The following DENND1A variants were observed in gnomAD, a reference collection of about 807,000 sequenced individuals.
The protein encoded by DENND1A is DENN domain-containing protein 1A.
A neutral mutation model predicts 113.7 loss-of-function variants in DENND1A; 51 were observed. That is an observed-to-expected ratio of 0.45 (90% confidence interval 0.36 to 0.57). The LOEUF (loss-of-function observed/expected upper bound fraction) is 0.57. DENND1A is among the 20% of genes least tolerant of loss of function. DENND1A has a pLI of 0.00. For missense variants in DENND1A, 1,258 were observed against 1,395.9 expected (o/e 0.90, Z 1.57); for synonymous variants, 565 against 570.8 (o/e 0.99, Z 0.14).
At chr9:123,576,353 C>CAT (rs1184437134) in intron 12 of DENND1A, among the ~76,000 whole-genome samples, 1 of 152,066 alleles carries the variant, frequency 6.6e-6, no homozygotes, top group Non-Finnish European at 1.5e-5. Flanking sequence ...TACATGTATC[C>CAT]ATATATTTAC....
At chr9:123,509,417 G>A (rs1221666595) in intron 13 of DENND1A, among the ~76,000 whole-genome samples, 2 of 152,192 alleles carry the variant, frequency 1.3e-5, no homozygotes, top group African/African-American at 4.8e-5. Context: ...TGTAAAGAGC[G>A]AGGAGAAATA....
intron 18 of DENND1A, among the ~76,000 whole-genome samples, chr9:123,443,641 G>A (rs894815096): frequency 2.6e-5 from 4 of 152,338 alleles, no homozygotes; most frequent in East Asian, 3.9e-4. Flanking sequence ...GGCAGCACAA[G>A]AGGAGGAGCC....
chr9:123,875,720 A>G (rs1847355855), intron 2 of DENND1A, among the ~76,000 whole-genome samples: 1 of 152,194 alleles, frequency 6.6e-6, no homozygotes, highest in Non-Finnish European at 1.5e-5. Flanking sequence ...AGGCTCCAGA[A>G]ACAAGCTCAA....
intron 1 of DENND1A, among the ~76,000 whole-genome samples, chr9:123,896,745 C>CT (rs1419704460): frequency 3.7e-4 from 57 of 152,166 alleles, no homozygotes; most frequent in African/African-American, 1.2e-3. Flanking sequence ...GAACGGATGA[C>CT]TTAAGAGCAG....
chr9:123,450,256 T>C (rs1020498576), intron 18 of DENND1A, among the ~76,000 whole-genome samples: 1 of 152,134 alleles, frequency 6.6e-6, no homozygotes, highest in Non-Finnish European at 1.5e-5. Flanking sequence ...CCCTATGCTG[T>C]GTCTGGGCGG....
chr9:123,907,481 A>C (rs1299794578), intron 1 of DENND1A, among the ~76,000 whole-genome samples: 1 of 148,170 alleles, frequency 6.7e-6, no homozygotes, highest in East Asian at 2.0e-4. Flanking sequence ...TTAAGCTGAT[A>C]AGCAACTTCA....
chr9:123,873,299 A>G (rs1336554883), intron 2 of DENND1A, among the ~76,000 whole-genome samples: 1 of 152,194 alleles, frequency 6.6e-6, no homozygotes, highest in Non-Finnish European at 1.5e-5. Context: ...AATCTTTGGA[A>G]AGTGTTCCAA....
At chr9:123,526,796 C>T (rs1347601031) in intron 13 of DENND1A, among the ~76,000 whole-genome samples, 4 of 152,208 alleles carry the variant, frequency 2.6e-5, no homozygotes, top group Non-Finnish European at 5.9e-5. Flanking sequence ...CTTAAATATA[C>T]ATTAGCTGTT....
chr9:123,622,456 T>G (rs559192731), intron 10 of DENND1A, among the ~76,000 whole-genome samples: 6 of 152,228 alleles, frequency 3.9e-5, no homozygotes, highest in Middle Eastern at 3.2e-3. Flanking sequence ...ACATAATAAG[T>G]GCTCTATAAA....
chr9:123,633,391 C>G (rs1057405384), intron 9 of DENND1A, among the ~76,000 whole-genome samples: 9 of 152,206 alleles, frequency 5.9e-5, no homozygotes, highest in Non-Finnish European at 7.3e-5. Flanking sequence ...TTAGAATATA[C>G]TCACAGTACA....
intron 19 of DENND1A, among the ~76,000 whole-genome samples, chr9:123,429,775 C>T (rs893899397): frequency 6.6e-6 from 1 of 152,128 alleles, no homozygotes; most frequent in African/African-American, 2.4e-5. Context: ...CCATTCAGGA[C>T]ATAGGTATGG....
chr9:123,401,940 T>G, intron 21 of DENND1A: 2 of 1,614,240 alleles, frequency 1.2e-6, no homozygotes, highest in Non-Finnish European at 1.7e-6. Flanking sequence ...ATTCTGGGTT[T>G]ACATCTCAAT....
intron 13 of DENND1A, among the ~76,000 whole-genome samples, chr9:123,553,989 C>A (rs2057280023): frequency 6.6e-6 from 1 of 152,160 alleles, no homozygotes. Flanking sequence ...ATCTCTTGAC[C>A]TTGTGATCCA....
At chr9:123,495,446 C>T (rs1344728724) in intron 13 of DENND1A, among the ~76,000 whole-genome samples, 1 of 152,168 alleles carries the variant, frequency 6.6e-6, no homozygotes, top group Non-Finnish European at 1.5e-5. Context: ...GGCCCACTTT[C>T]CTTCTCAAAG....
chr9:123,911,066 A>T (rs1564491146), intron 1 of DENND1A, among the ~76,000 whole-genome samples: 2 of 152,238 alleles, frequency 1.3e-5, no homozygotes, highest in African/African-American at 2.4e-5. Context: ...AATGCCTACC[A>T]ATCAGTAAGA....
intron 11 of DENND1A, 100 bp downstream of exon 11, chr9:123,609,336 A>C (rs2060308962): frequency 7.6e-7 from 1 of 1,323,078 alleles, no homozygotes; most frequent in Non-Finnish European, 1.1e-6. Flanking sequence ...GCATGCTCCC[A>C]CGTGCAGAGC....
chr9:123,643,885 C>T (rs2139149483), intron 9 of DENND1A, among the ~76,000 whole-genome samples: 1 of 152,244 alleles, frequency 6.6e-6, no homozygotes, highest in South Asian at 2.1e-4. Flanking sequence ...CTTAGGTGTG[C>T]GTTCAAAGGT....
At position 123,574,552 on chromosome 9, in the gene DENND1A, A is replaced by G. The variant is rs2058532819; in HGVS notation, c.867+8617T>C. On this transcript the variant is annotated intron_variant, in intron 12 of 23. Coordinates refer to ENST00000394215, the MANE Select transcript of DENND1A (RefSeq NM_001352964.2). The stretch of plus-strand genomic sequence containing the variant: ...AACTTTCATTTTGAAATATTTTTAG[A>G]TTTACAGAAAAGTTACAAAGATAGT... Among the ~76,000 whole-genome samples the G allele has an allele frequency of 3.3e-5, 5 of 152,076 alleles. No individual in the cohort carries two copies. In the South Asian group the frequency reaches 8.3e-4, roughly 25 times the overall value.
chr9:123,509,074 C>T (rs1282434510), intron 13 of DENND1A, among the ~76,000 whole-genome samples: 5 of 152,192 alleles, frequency 3.3e-5, no homozygotes, highest in Non-Finnish European at 7.3e-5. Context: ...GGCCCTGTGC[C>T]TCTGCTTGAT....
Sources: allele counts gnomAD v4.1 joint callset (sites outside exome capture counted in the v4.1 genomes callset), GRCh38; gene constraint gnomAD v4.1.1; transcripts MANE v1.5; gene names NCBI Gene and HGNC (gene_info 2026-07-23, HGNC 2026-07-21).